The following PCDHGA3 variants were observed in gnomAD, a reference collection of about 807,000 sequenced individuals.
The protein encoded by PCDHGA3 is protocadherin gamma-A3.
A neutral mutation model predicts 58.5 loss-of-function variants in PCDHGA3; 40 were observed. The observed-to-expected ratio is 0.68, with a 90% CI of 0.53 to 0.89. The LOEUF is 0.89. PCDHGA3 is among the 40% of genes least tolerant of loss of function. The pLI is 0.00. For missense variants in PCDHGA3, 1,223 were observed against 1,195.9 expected (o/e 1.02, Z -0.33); for synonymous variants, 530 against 525.7 (o/e 1.01, Z -0.11).
At chr5:141,408,301 C>A in intron 1 of PCDHGA3, 1 of 1,613,756 alleles carries the variant, frequency 6.2e-7, no homozygotes, top group Non-Finnish European at 8.5e-7. Flanking sequence ...GTGAGCCGAT[C>A]CGCTACTCGA....
At chr5:141,437,761 C>T (rs1200327020) in intron 1 of PCDHGA3, among the ~76,000 whole-genome samples, 1 of 144,680 alleles carries the variant, frequency 6.9e-6, no homozygotes, top group African/African-American at 2.6e-5. Context: ...TTTTTTGAGA[C>T]AGAGTCTCAA....
rs188066304 is a variant in PCDHGA3, at chr5:141,450,907, C to T, written c.2425-43900C>T. On this transcript the variant is annotated intron_variant, in intron 1 of 3. Coordinates refer to ENST00000253812, the MANE Select transcript of PCDHGA3 (RefSeq NM_018916.4). ...TGGTGCGATATCGGCTCACTGCAAC[C>T]GCTGCCTCCCAGATTCAAGCAATTC... is the stretch of plus-strand genomic sequence containing the variant. 6.7e-3 allele frequency among the ~76,000 whole-genome samples: 1,004 copies of T among 150,024 alleles called. 12 individuals carry two copies. The highest frequency in any genetic ancestry group is 0.024 in the African/African-American group (970 of 40,702).
At chr5:141,370,407 T>G in intron 1 of PCDHGA3, 1 of 1,561,028 alleles carries the variant, frequency 6.4e-7, no homozygotes, top group African/African-American at 1.4e-5. Flanking sequence ...GGGAAATAGC[T>G]CCGGATGGAG....
chr5:141,414,638 A>C lies in PCDHGA3; in HGVS notation c.2424+68181A>C, dbSNP rs539861509. The C allele has an allele frequency of 7.8e-5, 126 of 1,613,988 alleles. 1 individual carries two copies. In the South Asian group the frequency reaches 1.3e-3, roughly 17 times the overall value. ...GCGCTGGACCCGGACAGCAAAGAGA[A>C]TGCCCAGATTATTTACTCCCTGGCT... On this transcript the variant is annotated intron_variant, in intron 1 of 3. Coordinates refer to ENST00000253812, the MANE Select transcript of PCDHGA3 (RefSeq NM_018916.4).
chr5:141,404,210 A>G (rs927879028), intron 1 of PCDHGA3: 11 of 1,613,840 alleles, frequency 6.8e-6, no homozygotes, highest in Non-Finnish European at 9.3e-6. Context: ...AGAATATAAT[A>G]TCACGGTGAC....
At chr5:141,428,635 G>A (rs1411119011) in intron 1 of PCDHGA3, 1 of 180,288 alleles carries the variant, frequency 5.5e-6, no homozygotes, top group Non-Finnish European at 1.2e-5. Context: ...TAACTCTGTT[G>A]CTCCTACTCA....
At chr5:141,372,146 T>A (rs371379465) in intron 1 of PCDHGA3, 1 of 1,613,620 alleles carries the variant, frequency 6.2e-7, no homozygotes, top group Non-Finnish European at 8.5e-7. Context: ...CTGCAGAGCC[T>A]GGCTACCTGG....
Position 141,432,155 on chromosome 5 carries a change from C to T in PCDHGA3, c.2425-62652C>T, listed in dbSNP as rs368480052. 3.8e-5 allele frequency: 62 copies of T among 1,614,178 alleles called. No individual in the cohort carries two copies. In the African/African-American group the frequency reaches 7.1e-4, roughly 18 times the overall value. On this transcript the variant is annotated intron_variant, in intron 1 of 3. Coordinates refer to ENST00000253812, the MANE Select transcript of PCDHGA3 (RefSeq NM_018916.4). This position sits in a 1 kb window ranked among gnomAD's most constrained non-coding sequence, Gnocchi z 6.0. ...TTCCGCTTATATCCCAGAGAACAATCCCAGAGGAGTTTCCCTCGTCTCTGT... is the reference window on the plus strand; with the variant it reads ...TTCCGCTTATATCCCAGAGAACAATTCCAGAGGAGTTTCCCTCGTCTCTGT...
chr5:141,510,426 T>C (rs983368750), intron 3 of PCDHGA3, among the ~76,000 whole-genome samples: 1 of 152,084 alleles, frequency 6.6e-6, no homozygotes, highest in African/African-American at 2.4e-5. Flanking sequence ...CATGGTTTCA[T>C]GGCTGCTGCC....
chr5:141,462,011 C>T (rs567038580), intron 1 of PCDHGA3, among the ~76,000 whole-genome samples: 32 of 152,182 alleles, frequency 2.1e-4, no homozygotes, highest in Admixed American at 5.9e-4. Flanking sequence ...TTAATAGAGA[C>T]GGGGTTTCTT....
At chr5:141,390,163 C>G (rs376391116) in intron 1 of PCDHGA3, 6 of 1,613,992 alleles carry the variant, frequency 3.7e-6, no homozygotes, top group Non-Finnish European at 5.1e-6. Flanking sequence ...ACAGGAAAGA[C>G]GGAGTTTAAT....
At chr5:141,424,016 T>G in intron 1 of PCDHGA3, 16 of 1,038,360 alleles carry the variant, frequency 1.5e-5, no homozygotes, top group Non-Finnish European at 1.3e-5. Context: ...AAATTAATGA[T>G]TCACAAACAC....
rs1212381177 is a variant in PCDHGA3 at position 141,438,571 on chromosome 5, TATAC to T, written c.2425-56216_2425-56213del. ...GCCCTAATAAGAGGCAGCTGTCTGATATACATACATACATACATACATATATATA... is the reference window on the plus strand; with the variant it reads ...GCCCTAATAAGAGGCAGCTGTCTGATATACATACATACATACATATATATA... On this transcript the variant is annotated intron_variant, in intron 1 of 3. Transcript: ENST00000253812. 9.4e-4 allele frequency among the ~76,000 whole-genome samples: 89 copies of T among 94,500 alleles called. 1 individual carries two copies. The highest frequency in any genetic ancestry group is 1.8e-3 in the African/African-American group (37 of 20,720). The allele number at this position is 94,500 out of a possible 152,430, so 62.0% of individuals were successfully genotyped here.
chr5:141,427,652 G>T, intron 1 of PCDHGA3: 1 of 721,166 alleles, frequency 1.4e-6, no homozygotes, highest in Non-Finnish European at 2.5e-6. Flanking sequence ...TCTCCTACGT[G>T]GTCCACGTGG....
At position 141,447,418 on chromosome 5, in the gene PCDHGA3, G is replaced by A. The variant is rs113957183; in HGVS notation, c.2425-47389G>A. On this transcript the variant is annotated intron_variant, in intron 1 of 3. Transcript: ENST00000253812. ...CTCCCAAAGTGCTGGGATTACAGGC[G>A]TGAGCCACCGCACCCGGAGGAAATT... Among the ~76,000 whole-genome samples, 1,263 of 152,230 alleles carry A rather than the reference G, an allele frequency of 8.3e-3. 17 individuals carry two copies. The highest frequency in any genetic ancestry group is 0.029 in the African/African-American group (1,197 of 41,538).
chr5:141,389,888 G>A, intron 1 of PCDHGA3: 1 of 1,614,086 alleles, frequency 6.2e-7, no homozygotes, highest in Non-Finnish European at 8.5e-7. Context: ...GCTTGCAGGA[G>A]GTGCTGCCGG....
intron 1 of PCDHGA3, among the ~76,000 whole-genome samples, chr5:141,451,985 A>G (rs1460304088): frequency 6.6e-6 from 1 of 152,202 alleles, no homozygotes; most frequent in Non-Finnish European, 1.5e-5. Context: ...TAGTTTGTTC[A>G]TTAGAAGCAA....
rs202162316 is a variant in PCDHGA3, at chr5:141,490,194, T to C, written c.2425-4613T>C. ...TTGAGGAGTCACGTTTCTATGAAAT[T>C]CATGCAAGAGCCCGTGACCAGGGAC... is the stretch of plus-strand genomic sequence containing the variant. On this transcript the variant is annotated intron_variant, in intron 1 of 3. Transcript: ENST00000253812. The surrounding 1 kb of genome is among the most constrained non-coding windows in gnomAD (Gnocchi z 5.4). The C allele has an allele frequency of 8.1e-6, 13 of 1,614,186 alleles. No individual in the cohort carries two copies. The highest frequency in any genetic ancestry group is 1.1e-5 in the Non-Finnish European group (13 of 1,180,030).
intron 1 of PCDHGA3, chr5:141,357,093 C>T: frequency 1.2e-6 from 2 of 1,613,876 alleles, no homozygotes; most frequent in Non-Finnish European, 8.5e-7. Flanking sequence ...CCGCACGGGC[C>T]CTGCTGGACA....
Sources: allele counts gnomAD v4.1 joint callset (sites outside exome capture counted in the v4.1 genomes callset), GRCh38; gene constraint gnomAD v4.1.1; non-coding constraint Gnocchi (gnomAD v3.1); transcripts MANE v1.5; gene names NCBI Gene and HGNC (gene_info 2026-07-23, HGNC 2026-07-21).